Variants in KIF26B observed in about 807,000 individuals in gnomAD.
The protein encoded by KIF26B is kinesin family member 26B, also known as kinesin-like protein KIF26B.
In KIF26B, 63 loss-of-function variants were observed where a neutral mutation model predicts 151.2. The ratio of observed to expected loss-of-function variants is 0.42; its 90% CI spans 0.34 to 0.51. KIF26B has a LOEUF of 0.51. KIF26B is among the 20% of genes least tolerant of loss of function. The pLI, the probability that KIF26B is intolerant of heterozygous loss-of-function variation, is 0.07. For missense variants in KIF26B, 2,813 were observed against 2,913.6 expected (o/e 0.97, Z 0.79); for synonymous variants, 1,357 against 1,262.1 (o/e 1.08, Z -1.59).
At position 245,548,665 on chromosome 1, in the gene KIF26B, T is replaced by A. The variant is rs562350277; in HGVS notation, c.1350+7715T>A. Among the ~76,000 whole-genome samples the A allele has an allele frequency of 2.0e-5, 3 of 151,926 alleles. No homozygotes were observed. The East Asian group carries it at 5.8e-4, about 29-fold the overall frequency. ...GAAGACAAAAGTTTAAACTTCTGAATGTAAAAGATGATTTGTTGTGGAAAA... is the reference window on the plus strand; with the variant it reads ...GAAGACAAAAGTTTAAACTTCTGAAAGTAAAAGATGATTTGTTGTGGAAAA... On this transcript the variant is annotated intron_variant, in intron 5 of 14. Coordinates refer to ENST00000407071, the MANE Select transcript of KIF26B (RefSeq NM_018012.4).
chr1:245,397,193 A>C lies in KIF26B; in HGVS notation c.1000-22386A>C, dbSNP rs1403732891. On this transcript the variant is annotated intron_variant, in intron 3 of 14. Coordinates refer to ENST00000407071, the MANE Select transcript of KIF26B (RefSeq NM_018012.4). ...CCAGGCTGGTAGATTTCTCCTCTTG[A>C]TCCTGTTTTCCACATGTTCATTTTT... is the stretch of plus-strand genomic sequence containing the variant. Among the ~76,000 whole-genome samples, 5 of 144,738 alleles carry C rather than the reference A, an allele frequency of 3.5e-5. No homozygotes were observed. In the East Asian group the frequency reaches 1.0e-3, roughly 29 times the overall value. The allele number at this position is 144,738 out of a possible 152,430, so 95.0% of individuals were successfully genotyped here.
intron 10 of KIF26B, among the ~76,000 whole-genome samples, chr1:245,654,260 C>A (rs2044050555): frequency 6.6e-6 from 1 of 151,914 alleles, no homozygotes; most frequent in Non-Finnish European, 1.5e-5. Flanking sequence ...AGGACCCAAG[C>A]TACTTATCAG....
chr1:245,419,733 C>T lies in KIF26B; in HGVS notation c.1154C>T (p.Ser385Phe). The change falls in exon 4 of 15, where the codon TCC (serine) becomes TTC (phenylalanine). Residue 385 changes from serine to phenylalanine, a missense_variant. Ser to Phe is a radical substitution (Grantham distance 155, BLOSUM62 -2). Around this residue, in one of 3 missense-constraint regions of KIF26B, gnomAD observed 676 missense variants for 688.1 expected, o/e 0.98. Coordinates refer to ENST00000407071, the MANE Select transcript of KIF26B (RefSeq NM_018012.4). ...ETSTGTSVAASFFARAAQKLN... is the reference protein window; with the variant it reads ...ETSTGTSVAAFFFARAAQKLN... ...TCCACAGGCACATCGGTGGCCGCCT[C>T]CTTCTTTGCACGGTAAGAGAGCTGT... The T allele has an allele frequency of 6.2e-7, 1 of 1,611,920 alleles. No homozygotes were observed. The highest frequency in any genetic ancestry group is 2.2e-5 in the East Asian group (1 of 44,854).
At chr1:245,673,026 G>GTCCCCACTGCA (rs1558262837) in intron 10 of KIF26B, among the ~76,000 whole-genome samples, 1 of 151,746 alleles carries the variant, frequency 6.6e-6, no homozygotes, top group Non-Finnish European at 1.5e-5. Context: ...TCCCCACGGC[G>GTCCCCACTGCA]CGCTGCCATC....
Position 245,609,294 on chromosome 1 carries a change from T to A in KIF26B, c.1680T>A (p.Asp560Glu). ...AATCCTACACCATGATCGGAAAGGA[T>A]GATTCCATGCAGAACCTGGGCATCA... ...LGKSYTMIGK[D>E]DSMQNLGIIP... Residue 560 changes from aspartate to glutamate, a missense_variant, in exon 8 of 15, where the codon GAT (aspartate) becomes GAA (glutamate). Coordinates refer to ENST00000407071, the MANE Select transcript of KIF26B (RefSeq NM_018012.4). The A allele has an allele frequency of 6.2e-7, 1 of 1,609,896 alleles. No homozygotes were observed. Among genetic ancestry groups the A allele is most frequent in the Non-Finnish European group, 8.5e-7 (1 of 1,178,008 alleles).
At chr1:245,661,755 C>T (rs1366895721) in intron 10 of KIF26B, among the ~76,000 whole-genome samples, 2 of 147,548 alleles carry the variant, frequency 1.4e-5, no homozygotes, top group Non-Finnish European at 3.0e-5. Flanking sequence ...TATACACACA[C>T]CCTATATGTA....
rs141365140 is a variant in KIF26B at position 245,570,771 on chromosome 1, C to T, written c.1350+29821C>T. 5.1e-3 allele frequency among the ~76,000 whole-genome samples: 769 copies of T among 152,276 alleles called. 7 individuals carry two copies. Among genetic ancestry groups the T allele is most frequent in the African/African-American group, 0.018 (734 of 41,536 alleles). ...CCACGAGCCCTTCAGTGTTAAACAT[C>T]ATTAAACATAAGGTCGCAAAAGTCA... On this transcript the variant is annotated intron_variant, in intron 5 of 14. Coordinates refer to ENST00000407071, the MANE Select transcript of KIF26B (RefSeq NM_018012.4).
rs932681779 is a variant in KIF26B at position 245,239,451 on chromosome 1, AT to A, written c.465+82773del. Reference sequence around the variant, plus strand: ...AATGCCATTAATAGGTGAAGAACACATTTTTGATTCATTGACTAGGATTATG... The same window carrying A: ...AATGCCATTAATAGGTGAAGAACACATTTTGATTCATTGACTAGGATTATG... On this transcript the variant is annotated intron_variant, in intron 2 of 14. Transcript: ENST00000407071. The surrounding 1 kb of genome is among the most constrained non-coding windows in gnomAD (Gnocchi z 4.3). Among the ~76,000 whole-genome samples, 37 of 152,242 alleles carry A rather than the reference AT, an allele frequency of 2.4e-4. No individual in the cohort carries two copies. The highest frequency in any genetic ancestry group is 7.9e-4 in the African/African-American group (33 of 41,552).
In KIF26B at chr1:245,180,878, C is replaced by G. The variant is rs562462845; in HGVS notation, c.465+24195C>G. ...AGAGGTGGGGCCTTGCTCTGTCACCCTGGCTAGAGTGCTGTGAAACGATCA... is the reference window on the plus strand; with the variant it reads ...AGAGGTGGGGCCTTGCTCTGTCACCGTGGCTAGAGTGCTGTGAAACGATCA... On this transcript the variant is annotated intron_variant, in intron 2 of 14. Transcript: ENST00000407071. Among the ~76,000 whole-genome samples, 116 of 152,278 alleles carry G rather than the reference C, an allele frequency of 7.6e-4. 2 individuals carry two copies. Among genetic ancestry groups the G allele is most frequent in the African/African-American group, 2.6e-3 (110 of 41,530 alleles).
chr1:245,700,723 T>C (rs2044759306), intron 14 of KIF26B, among the ~76,000 whole-genome samples: 1 of 152,172 alleles, frequency 6.6e-6, no homozygotes. Context: ...GTTAGAAATT[T>C]GAGCAAAGAA....
At chr1:245,412,900 T>C (rs1386109301) in intron 3 of KIF26B, among the ~76,000 whole-genome samples, 1 of 152,150 alleles carries the variant, frequency 6.6e-6, no homozygotes, top group South Asian at 2.1e-4. Flanking sequence ...TGCACACGTG[T>C]CGACACCTGC....
At position 245,418,533 on chromosome 1, in the gene KIF26B, C is replaced by T. The variant is rs140232127; in HGVS notation, c.1000-1046C>T. Among the ~76,000 whole-genome samples the T allele has an allele frequency of 5.0e-3, 761 of 152,270 alleles. 1 individual carries two copies. The highest frequency in any genetic ancestry group is 8.3e-3 in the Non-Finnish European group (567 of 68,038). On this transcript the variant is annotated intron_variant, in intron 3 of 14. Transcript: ENST00000407071. ...TCACAAATGGGCTACTCTTAGGGCT[C>T]GCTGGCCTATTCAGTTACAAAGTGG...
intron 9 of KIF26B, among the ~76,000 whole-genome samples, chr1:245,624,815 G>A (rs1243570311): frequency 1.3e-5 from 2 of 151,902 alleles, no homozygotes; most frequent in Admixed American, 1.3e-4. Flanking sequence ...CCTAACCCAA[G>A]GCCAAAAAGG....
chr1:245,234,011 C>T (rs1255269657), intron 2 of KIF26B, among the ~76,000 whole-genome samples: 1 of 152,000 alleles, frequency 6.6e-6, no homozygotes, highest in Non-Finnish European at 1.5e-5. Context: ...TGGTAAAACC[C>T]TGTCTCTACT....
chr1:245,193,429 A>G (rs908286939), intron 2 of KIF26B, among the ~76,000 whole-genome samples: 5 of 151,904 alleles, frequency 3.3e-5, no homozygotes, highest in East Asian at 1.9e-4. Flanking sequence ...AGACAATCAT[A>G]TGACTCAGTC....
At chr1:245,211,510 G>A (rs920597110) in intron 2 of KIF26B, among the ~76,000 whole-genome samples, 4 of 152,100 alleles carry the variant, frequency 2.6e-5, no homozygotes, top group African/African-American at 4.8e-5. Context: ...CAATCCTCCT[G>A]CCTCAGCCTC....
At chr1:245,360,467 C>T (rs1161341151) in intron 2 of KIF26B, among the ~76,000 whole-genome samples, 1 of 152,152 alleles carries the variant, frequency 6.6e-6, no homozygotes, top group Non-Finnish European at 1.5e-5. Context: ...TACCAAGGGC[C>T]AGGTCTGTGC....
chr1:245,581,914 C>CAGAG (rs2043177796), intron 5 of KIF26B, among the ~76,000 whole-genome samples: 1 of 82,950 alleles, frequency 1.2e-5, no homozygotes, highest in Non-Finnish European at 2.3e-5. Flanking sequence ...GAGACCCTGT[C>CAGAG]AAAGAGAGAA....
chr1:245,345,693 C>G (rs150212280), intron 2 of KIF26B, among the ~76,000 whole-genome samples: 1 of 152,014 alleles, frequency 6.6e-6, no homozygotes, highest in Admixed American at 6.6e-5. Context: ...TGAGTGAGTT[C>G]TCGTGAGATC....
Sources: allele counts gnomAD v4.1 joint callset (sites outside exome capture counted in the v4.1 genomes callset), GRCh38; gene constraint gnomAD v4.1.1; regional missense constraint gnomAD v4.1.1; non-coding constraint Gnocchi (gnomAD v3.1); transcripts MANE v1.5; gene names NCBI Gene and HGNC (gene_info 2026-07-23, HGNC 2026-07-21).